Variants in GPR173 observed in about 807,000 individuals in gnomAD.
The protein encoded by GPR173 is G protein-coupled receptor 173.
In GPR173, 2 loss-of-function variants were observed where a neutral mutation model predicts 13.9. The ratio of observed to expected loss-of-function variants is 0.14; its 90% CI spans 0.06 to 0.45. The LOEUF is 0.45. Ranked by LOEUF, GPR173 falls within the 20% of genes least tolerant of loss-of-function variation. The pLI is 0.98. For synonymous variants in GPR173, 131 were observed against 141.0 expected (o/e 0.93, Z 0.50); for missense variants, 202 against 340.5 (o/e 0.59, Z 3.20).
chrX:53,065,968 C>T (rs1208857171), intron 1 of GPR173, among the ~76,000 whole-genome samples: 3 of 110,347 alleles, frequency 2.7e-5, no homozygotes, highest in East Asian at 2.9e-4. Context: ...GGCATGGTGG[C>T]GCGTGCCTGT....
intron 1 of GPR173, among the ~76,000 whole-genome samples, chrX:53,066,207 T>C (rs782727196): frequency 1.8e-5 from 2 of 112,076 alleles, no homozygotes; most frequent in South Asian, 7.3e-4. Flanking sequence ...AATGCAGACA[T>C]TGCTCTACTT....
Position 53,077,327 on chromosome X carries a change from G to A in GPR173, c.706G>A (p.Gly236Arg), listed in dbSNP as rs1264090117. ...CCAGAACTGGACATTCCATGGTCCC[G>A]GGGCCACCGGCCAGGCTGCTGCCAA... The part of the protein sequence containing the change: ...ISQNWTFHGP[G>R]ATGQAAANWI... Residue 236 changes from glycine to arginine, a missense_variant, in exon 2 of 2, where the codon GGG (glycine) becomes AGG (arginine). Around this residue, in one of 3 missense-constraint regions of GPR173, gnomAD observed 28 missense variants for 87.0 expected, o/e 0.32. Transcript: ENST00000332582. The A allele has an allele frequency of 1.7e-6, 2 of 1,193,468 alleles. No homozygotes were observed. Among genetic ancestry groups the A allele is most frequent in the Non-Finnish European group, 2.3e-6 (2 of 886,110 alleles).
chrX:53,067,237 C>T (rs7065011), intron 1 of GPR173, among the ~76,000 whole-genome samples: 1,226 of 111,403 alleles, frequency 0.011, 15 homozygotes, highest in African/African-American at 0.038. Flanking sequence ...TTGAACATGG[C>T]CCCTTTCCTA....
In GPR173 at chrX:53,077,896, C is replaced by T; in HGVS notation, c.*153C>T. On this transcript the variant is annotated 3_prime_UTR_variant, in exon 2 of 2. Transcript: ENST00000332582. ...CCTGTAATCTAGGCACCTTTGCCAA[C>T]ACCTCCCAAGGATGGAGGACTGGGC... 2.1e-6 allele frequency: 1 copy of T among 467,848 alleles called. No homozygotes were observed. Among genetic ancestry groups the T allele is most frequent in the Non-Finnish European group, 3.7e-6 (1 of 267,576 alleles). 38.6% of individuals were successfully genotyped at this position (467,848 alleles called of 1,213,427 possible).
chrX:53,059,536 A>C (rs1556803535), intron 1 of GPR173, among the ~76,000 whole-genome samples: 1 of 110,197 alleles, frequency 9.1e-6, no homozygotes, highest in African/African-American at 3.3e-5. Context: ...TCACACCTGT[A>C]ATCCTAGCAC....
chrX:53,073,895 T>A (rs868942495), intron 1 of GPR173, among the ~76,000 whole-genome samples: 1 of 6,343 alleles, frequency 1.6e-4, no homozygotes, highest in Non-Finnish European at 3.0e-4. Context: ...ATATTTATAT[T>A]TATTTATATA....
rs782572819 is a variant in GPR173 at position 53,050,832 on chromosome X, T to A, written c.-98+1348T>A. Among the ~76,000 whole-genome samples, 3 of 111,623 alleles carry A rather than the reference T, an allele frequency of 2.7e-5. No individual in the cohort carries two copies. The South Asian group carries it at 1.1e-3, about 42-fold the overall frequency. On this transcript the variant is annotated intron_variant, in intron 1 of 1. Transcript: ENST00000332582. ...AAGCCCTGTGTTAATACTTCTCATT[T>A]GTAGAGAATGATAAGTGGTTATGGG...
chrX:53,072,172 C>T (rs1179610174), intron 1 of GPR173, among the ~76,000 whole-genome samples: 2 of 109,858 alleles, frequency 1.8e-5, no homozygotes, highest in African/African-American at 6.6e-5. Flanking sequence ...TTATCTTTAG[C>T]TTTTGTTTTC....
chrX:53,061,318 C>T (rs1176118419), intron 1 of GPR173, among the ~76,000 whole-genome samples: 1 of 111,378 alleles, frequency 9.0e-6, no homozygotes, highest in Non-Finnish European at 1.9e-5. Context: ...TGGGTATCTA[C>T]ATGCATGCCT....
At chrX:53,071,917 GCTGT>G (rs1267842903) in intron 1 of GPR173, among the ~76,000 whole-genome samples, 10 of 111,179 alleles carry the variant, frequency 9.0e-5, no homozygotes, top group Non-Finnish European at 1.9e-4. Flanking sequence ...AGAGCGGGTT[GCTGT>G]CTGAGGGTGT....
chrX:53,057,764 AAAAAG>A lies in GPR173; in HGVS notation c.-98+8295_-98+8299del, dbSNP rs781921909. ...AGTGAAACTCCGTCTCAAAAAAGAG[AAAAAG>A]AAAAGAAAAGAAAAAGAAACAGAAG... On this transcript the variant is annotated intron_variant, in intron 1 of 1. Transcript: ENST00000332582. Among the ~76,000 whole-genome samples, 47 of 111,971 alleles carry A rather than the reference AAAAAG, an allele frequency of 4.2e-4. No homozygotes were observed. The South Asian group carries it at 0.017, about 40-fold the overall frequency.
Position 53,079,407 on chromosome X carries a change from A to G in GPR173, c.*1664A>G, listed in dbSNP as rs970989537. On this transcript the variant is annotated 3_prime_UTR_variant, in exon 2 of 2. Coordinates refer to ENST00000332582, the MANE Select transcript of GPR173 (RefSeq NM_018969.6). ...TAGGGGAGCCTGTTCTCTCAGCGATAGTGATGGGGGTGCCTTTCCGAGGGG... is the reference window on the plus strand; with the variant it reads ...TAGGGGAGCCTGTTCTCTCAGCGATGGTGATGGGGGTGCCTTTCCGAGGGG... The G allele has an allele frequency of 6.9e-5, 5 of 72,134 alleles. No individual in the cohort carries two copies. Among genetic ancestry groups the G allele is most frequent in the Admixed American group, 2.5e-4 (1 of 4,059 alleles). 5.9% of individuals were successfully genotyped at this position (72,134 alleles called of 1,213,427 possible).
intron 1 of GPR173, among the ~76,000 whole-genome samples, chrX:53,066,423 T>C (rs951881920): frequency 2.7e-5 from 3 of 111,657 alleles, no homozygotes; most frequent in Non-Finnish European, 3.8e-5. Context: ...TTGAAGCCAG[T>C]AAACATAAAA....
intron 1 of GPR173, among the ~76,000 whole-genome samples, chrX:53,055,092 G>A (rs1932014555): frequency 9.1e-6 from 1 of 109,499 alleles, no homozygotes; most frequent in Non-Finnish European, 1.9e-5. Context: ...TGTGCAGTGT[G>A]AGTAGATCTG....
At chrX:53,057,417 CA>C (rs202011753) in intron 1 of GPR173, among the ~76,000 whole-genome samples, 78 of 51,364 alleles carry the variant, frequency 1.5e-3, no homozygotes, top group Middle Eastern at 0.021. Context: ...AACTCCATCT[CA>C]AAAAAAAAAA....
Position 53,073,617 on chromosome X carries a change from A to G in GPR173, c.-97-2908A>G, listed in dbSNP as rs189926448. Among the ~76,000 whole-genome samples the G allele has an allele frequency of 1.5e-3, 159 of 106,208 alleles. 1 individual carries two copies. The highest frequency in any genetic ancestry group is 2.7e-3 in the Non-Finnish European group (141 of 51,972). 92.2% of individuals were successfully genotyped at this position (106,208 alleles called of 115,157 possible). ...GCCCATTTAATCCCTCAATCAATTC[A>G]TTTGATATATTGTCACTGAGAGCCT... On this transcript the variant is annotated intron_variant, in intron 1 of 1. Transcript: ENST00000332582.
rs1932488189 is a variant in GPR173, at chrX:53,079,021, G to A, written c.*1278G>A. 8.2e-6 allele frequency: 1 copy of A among 122,111 alleles called. No individual in the cohort carries two copies. The highest frequency in any genetic ancestry group is 3.3e-5 in the African/African-American group (1 of 30,403). 10.1% of individuals were successfully genotyped at this position (122,111 alleles called of 1,213,427 possible). A position where few individuals can be genotyped will look rare whatever the true frequency, so the allele number is the denominator to read the frequency against. ...TACACCCAAAGTGGAGCACACTGCA[G>A]TCAGATTCTCCAGGAGGGAGATCCA... On this transcript the variant is annotated 3_prime_UTR_variant, in exon 2 of 2. Coordinates refer to ENST00000332582, the MANE Select transcript of GPR173 (RefSeq NM_018969.6).
rs1183195676 is a variant in GPR173, at chrX:53,076,638, G to T, written c.17G>T (p.Gly6Val). Residue 6 changes from glycine to valine, a missense_variant, in exon 2 of 2, where the codon GGA (glycine) becomes GTA (valine). Gly to Val is a moderately radical substitution (Grantham distance 109). This residue lies in a region of GPR173 where 98 missense variants were observed against 137.2 expected (regional missense o/e 0.71). Coordinates refer to ENST00000332582, the MANE Select transcript of GPR173 (RefSeq NM_018969.6). ...ACCCTCAGTATGGCCAACACTACCG[G>T]AGAGCCTGAGGAGGTGAGCGGCGCT... MANTT[G>V]EPEEVSGALS... The T allele has an allele frequency of 8.4e-7, 1 of 1,189,484 alleles. No homozygotes were observed. Among genetic ancestry groups the T allele is most frequent in the African/African-American group, 1.8e-5 (1 of 57,067 alleles).
At chrX:53,052,472 A>G (rs781787383) in intron 1 of GPR173, among the ~76,000 whole-genome samples, 1 of 110,413 alleles carries the variant, frequency 9.1e-6, no homozygotes, top group Admixed American at 9.6e-5. Flanking sequence ...TATGCCTGTG[A>G]TTGTGAGTGT....
Sources: gnomAD v4.1 joint callset for allele counts (sites outside exome capture counted in the v4.1 genomes callset) on GRCh38, gnomAD v4.1.1 for gene constraint, gnomAD v4.1.1 regional missense constraint, MANE v1.5 for transcripts, NCBI Gene and HGNC (gene_info 2026-07-23, HGNC 2026-07-21) for gene names.